Variants in ITGA4 observed in about 807,000 individuals in gnomAD.
ITGA4 encodes integrin alpha-4.
Under a neutral mutation model 133.6 loss-of-function variants are expected in ITGA4, and 63 were observed. The observed-to-expected ratio is 0.47, with a 90% CI of 0.38 to 0.58. ITGA4 has a LOEUF of 0.58. Ranked by LOEUF, ITGA4 falls within the 20% of genes least tolerant of loss-of-function variation. The pLI is 0.00. For missense variants in ITGA4, 1,076 were observed against 1,252.7 expected (o/e 0.86, Z 2.13); for synonymous variants, 483 against 438.0 (o/e 1.10, Z -1.28).
intron 5 of ITGA4, chr2:181,479,384 T>A (rs1685753052): frequency 6.6e-6 from 1 of 152,012 alleles, no homozygotes; most frequent in Non-Finnish European, 1.5e-5. Flanking sequence ...TTCAGGAATG[T>A]TTTTTGACTC....
At chr2:181,467,532 T>C (rs565913542) in intron 2 of ITGA4, among the ~76,000 whole-genome samples, 4 of 152,296 alleles carry the variant, frequency 2.6e-5, no homozygotes, top group Non-Finnish European at 5.9e-5. Context: ...CCCTGGTCCT[T>C]CTTTCTTTAG....
intron 26 of ITGA4, 136 bp downstream of exon 26, chr2:181,534,506 G>A (rs1687013702): frequency 1.5e-6 from 1 of 656,732 alleles, no homozygotes; most frequent in Non-Finnish European, 2.7e-6. Context: ...CCAATACTTG[G>A]TTGAGAGTTG....
intron 15 of ITGA4, among the ~76,000 whole-genome samples, chr2:181,505,282 ATTATTTT>A (rs1368963338): frequency 6.6e-6 from 1 of 152,022 alleles, no homozygotes; most frequent in Non-Finnish European, 1.5e-5. Context: ...TATTCCTGAC[ATTATTTT>A]TTATTTAGTG....
At chr2:181,467,204 C>G (rs953113528) in intron 2 of ITGA4, among the ~76,000 whole-genome samples, 1 of 147,252 alleles carries the variant, frequency 6.8e-6, no homozygotes, top group Non-Finnish European at 1.5e-5. Context: ...TTTTGTCTTA[C>G]AATGGAATAG....
intron 25 of ITGA4, 25 bp from the exon 26 acceptor site, chr2:181,534,247 T>C: frequency 2.2e-6 from 3 of 1,364,436 alleles, no homozygotes; most frequent in South Asian, 2.3e-5. Context: ...AACCAGGCTA[T>C]GGTGATCCTT....
Position 181,480,120 on chromosome 2 carries a change from T to TG in ITGA4, c.625-17_625-16insG, listed in dbSNP as rs749732398. On this transcript the variant is annotated splice_polypyrimidine_tract_variant and intron_variant, in intron 5 of 27. Transcript: ENST00000397033. The stretch of plus-strand genomic sequence containing the variant: ...GAGATTAAAGTTTAAATAATAATAG[T>TG]TTTTTTTTTCTTACAGGATTTAATT... The TG allele has an allele frequency of 1.5e-6, 2 of 1,366,114 alleles. 1 individual carries two copies. Among genetic ancestry groups the TG allele is most frequent in the African/African-American group, 6.4e-5 (2 of 31,398 alleles). The allele number at this position is 1,366,114 out of a possible 1,614,324, so 84.6% of individuals were successfully genotyped here.
chr2:181,481,719 A>C (rs200508864), intron 7 of ITGA4, 36 bp downstream of exon 7: 1 of 1,057,006 alleles, frequency 9.5e-7, no homozygotes, highest in Non-Finnish European at 1.4e-6. Flanking sequence ...TTCTTCACAA[A>C]GGTTCAAATA....
At chr2:181,479,315 A>G (rs1401787554) in intron 5 of ITGA4, 1 of 152,050 alleles carries the variant, frequency 6.6e-6, no homozygotes, top group African/African-American at 2.4e-5. Context: ...GATATGTATG[A>G]AAGGGCACAG....
Position 181,498,679 on chromosome 2 carries a change from T to A in ITGA4, c.1597T>A (p.Phe533Ile). Reference sequence around the variant, plus strand: ...CAGAAAGGCAGAGTCTCCACCAAGATTCTATTTCTCTTCTAATGGAACTTC... The same window carrying A: ...CAGAAAGGCAGAGTCTCCACCAAGAATCTATTTCTCTTCTAATGGAACTTC... ...VNRKAESPPR[F>I]YFSSNGTSDV... The change falls in exon 15 of 28, where the codon TTC (phenylalanine) becomes ATC (isoleucine). Residue 533 changes from phenylalanine to isoleucine, a missense_variant. Physicochemically the swap from Phe to Ile is conservative, Grantham distance 21. This residue lies in a region of ITGA4 where 365 missense variants were observed against 421.4 expected (regional missense o/e 0.87). Transcript: ENST00000397033. The A allele has an allele frequency of 6.2e-7, 1 of 1,611,914 alleles. No individual in the cohort carries two copies. Among genetic ancestry groups the A allele is most frequent in the Non-Finnish European group, 8.5e-7 (1 of 1,178,280 alleles).
chr2:181,494,873 T>C, intron 12 of ITGA4, 61 bp downstream of exon 12: 1 of 869,994 alleles, frequency 1.1e-6, no homozygotes, highest in Non-Finnish European at 1.9e-6. Flanking sequence ...GATACTGCTT[T>C]ATAGTGAAGT....
rs1454106849 is a variant in ITGA4, at chr2:181,534,569, T to G, written c.2883+199T>G. ...CAATACAGCAGTTCTTTCAGAGAGG[T>G]GAATTGGGCAGCAGTGAGAATTGAA... On this transcript the variant is annotated intron_variant, in intron 26 of 27. Transcript: ENST00000397033. Among the ~76,000 whole-genome samples, 3 of 151,604 alleles carry G rather than the reference T, an allele frequency of 2.0e-5. No individual in the cohort carries two copies. In the East Asian group the frequency reaches 5.8e-4, roughly 29 times the overall value.
chr2:181,525,496 A>AACT (rs1472653816), intron 21 of ITGA4, among the ~76,000 whole-genome samples: 3 of 152,180 alleles, frequency 2.0e-5, no homozygotes, highest in Non-Finnish European at 4.4e-5. Context: ...TACTACATCA[A>AACT]ACTAGTACCC....
chr2:181,527,112 AG>A (rs1169740796), intron 21 of ITGA4, among the ~76,000 whole-genome samples, 184 bp from the exon 22 acceptor site: 1 of 151,916 alleles, frequency 6.6e-6, no homozygotes, highest in Admixed American at 6.6e-5. Flanking sequence ...CTGGGATTAC[AG>A]GCATGAGCCA....
In ITGA4 at chr2:181,516,346, A is replaced by G. The variant is rs1050921784; in HGVS notation, c.1922+4571A>G. Among the ~76,000 whole-genome samples, 7 of 152,110 alleles carry G rather than the reference A, an allele frequency of 4.6e-5. No individual in the cohort carries two copies. Among genetic ancestry groups the G allele is most frequent in the Non-Finnish European group, 1.0e-4 (7 of 68,006 alleles). ...TTAAACAATAAAGATATTATTTCGC[A>G]TAATAAGCAGTCTTGAGGAAGGATG... On this transcript the variant is annotated intron_variant, in intron 17 of 27. Coordinates refer to ENST00000397033, the MANE Select transcript of ITGA4 (RefSeq NM_000885.6). The surrounding 1 kb of genome is among the most constrained non-coding windows in gnomAD (Gnocchi z 4.0).
chr2:181,519,503 T>C (rs1047591107), intron 17 of ITGA4, among the ~76,000 whole-genome samples: 1 of 152,152 alleles, frequency 6.6e-6, no homozygotes, highest in Non-Finnish European at 1.5e-5. Context: ...TTAAGTGAAG[T>C]GTCCATTTTC....
intron 17 of ITGA4, among the ~76,000 whole-genome samples, chr2:181,521,523 G>C (rs566361888): frequency 6.6e-5 from 10 of 152,262 alleles, no homozygotes; most frequent in Non-Finnish European, 1.0e-4. Context: ...GCAGTGCCAG[G>C]ACTTGAACTC....
chr2:181,538,760 C>T lies in ITGA4; in HGVS notation c.*3233C>T, dbSNP rs1687337804. ...TAACACTTTACTATTCAGATGGCTC[C>T]ACTAAAAGATTTAAGATCTTGATCC... On this transcript the variant is annotated 3_prime_UTR_variant, in exon 28 of 28. Coordinates refer to ENST00000397033, the MANE Select transcript of ITGA4 (RefSeq NM_000885.6). 6.6e-6 allele frequency among the ~76,000 whole-genome samples: 1 copy of T among 152,192 alleles called. No individual in the cohort carries two copies. The highest frequency in any genetic ancestry group is 1.9e-4 in the East Asian group (1 of 5,182).
At chr2:181,466,461 T>C (rs1295204704) in intron 2 of ITGA4, among the ~76,000 whole-genome samples, 2 of 152,092 alleles carry the variant, frequency 1.3e-5, no homozygotes, top group Non-Finnish European at 2.9e-5. Context: ...TTGAGAATGG[T>C]TTCCAACTTT....
At chr2:181,488,449 T>G (rs1403975762) in intron 10 of ITGA4, among the ~76,000 whole-genome samples, 1 of 152,260 alleles carries the variant, frequency 6.6e-6, no homozygotes, top group Non-Finnish European at 1.5e-5. Context: ...TTTGTGCTAT[T>G]TATAATGTCA....
Sources: allele counts gnomAD v4.1 joint callset (sites outside exome capture counted in the v4.1 genomes callset), GRCh38; gene constraint gnomAD v4.1.1; regional missense constraint gnomAD v4.1.1; non-coding constraint Gnocchi (gnomAD v3.1); transcripts MANE v1.5; gene names NCBI Gene and HGNC (gene_info 2026-07-23, HGNC 2026-07-21).